The following MAMLD1 variants were observed in gnomAD, a reference collection of about 807,000 sequenced individuals.
MAMLD1 encodes the protein mastermind like domain containing 1.
A neutral mutation model predicts 45.0 loss-of-function variants in MAMLD1; 14 were observed. The observed-to-expected ratio is 0.31, with a 90% CI of 0.21 to 0.49. The LOEUF is 0.49. Among genes scored for constraint, MAMLD1 ranks in the 20% least tolerant of loss-of-function variants. The probability of loss-of-function intolerance (pLI) is 0.99; values close to 1 mark genes in which losing one functional copy is unlikely to be tolerated. For synonymous variants in MAMLD1, 254 were observed against 247.8 expected, an observed-to-expected ratio of 1.02 and a Z score of -0.24; for missense variants, 543 against 603.6, an observed-to-expected ratio of 0.90 and a Z score of 1.05.
intron 1 of MAMLD1, among the ~76,000 whole-genome samples, chrX:150,366,900 A>T (rs2031502001): frequency 9.0e-6 from 1 of 111,052 alleles, no homozygotes; most frequent in Non-Finnish European, 1.9e-5. Context: ...GCCTGGGAGG[A>T]AATCTCTCTG....
intron 1 of MAMLD1, among the ~76,000 whole-genome samples, chrX:150,412,567 T>C (rs1557402864): frequency 5.4e-5 from 6 of 111,307 alleles, no homozygotes; most frequent in East Asian, 2.8e-4. Flanking sequence ...ATAGACTCCA[T>C]GTGGACTGAT....
chrX:150,425,568 C>A (rs2034675357), intron 1 of MAMLD1, among the ~76,000 whole-genome samples: 1 of 112,110 alleles, frequency 8.9e-6, no homozygotes, highest in Admixed American at 9.4e-5. Flanking sequence ...CCAAGTCATC[C>A]AGGCTCTAGG....
intron 1 of MAMLD1, among the ~76,000 whole-genome samples, chrX:150,389,933 A>T (rs782639596): frequency 1.8e-5 from 2 of 112,300 alleles, no homozygotes; most frequent in Non-Finnish European, 3.8e-5. Flanking sequence ...TTTGATGATA[A>T]TGTAGCCACT....
intron 5 of MAMLD1, among the ~76,000 whole-genome samples, chrX:150,485,232 T>C (rs2036949380): frequency 9.0e-6 from 1 of 111,456 alleles, no homozygotes; most frequent in African/African-American, 3.3e-5. Context: ...GAGAAGAGGT[T>C]CCTGAAGGCT....
At chrX:150,452,053 T>A (rs2035682930) in intron 2 of MAMLD1, among the ~76,000 whole-genome samples, 1 of 111,913 alleles carries the variant, frequency 8.9e-6, no homozygotes, top group Admixed American at 9.5e-5. Flanking sequence ...GCTGAGTATA[T>A]GGCACATAGT....
In MAMLD1 at chrX:150,471,300, C is replaced by T. The variant is rs782062169; in HGVS notation, c.1727C>T (p.Pro576Leu). The change falls in exon 4 of 8, where the codon CCG becomes CTG. Residue 576 changes from proline (P) to leucine (L), a missense_variant. Physicochemically the swap from Pro to Leu is moderately conservative, Grantham distance 98. Transcript: ENST00000370401. ...TCCCTGCTCCACTACCTGCAGCAGC[C>T]GACACCAACGCAGGCCTCCTCAGCC... ...QPSLLHYLQQPTPTQASSATA... is the reference protein window; with the variant it reads ...QPSLLHYLQQLTPTQASSATA... 5.8e-6 allele frequency: 7 copies of T among 1,209,345 alleles called. No individual in the cohort carries two copies. The African/African-American group carries it at 7.0e-5, about 12-fold the overall frequency.
At position 150,503,657 on chromosome X, in the gene MAMLD1, C is replaced by T. The variant is rs1229663658; in HGVS notation, c.2284+140C>T. On this transcript the variant is annotated intron_variant, in intron 6 of 7. Transcript: ENST00000370401. ...CTCCGAAGGTAAAGCTCTGTCCACCCATGAGGGACTTCTAGTGCTTCCTGG... is the reference window on the plus strand; with the variant it reads ...CTCCGAAGGTAAAGCTCTGTCCACCTATGAGGGACTTCTAGTGCTTCCTGG... 8 of 487,232 alleles carry T rather than the reference C, an allele frequency of 1.6e-5. No homozygotes were observed. The South Asian group carries it at 1.7e-4, about 11-fold the overall frequency. The allele number at this position is 487,232 out of a possible 1,213,427, so 40.2% of individuals were successfully genotyped here. A position where few individuals can be genotyped will look rare whatever the true frequency, so the allele number is the denominator to read the frequency against.
At chrX:150,405,583 G>A (rs2033973406) in intron 1 of MAMLD1, among the ~76,000 whole-genome samples, 1 of 112,125 alleles carries the variant, frequency 8.9e-6, no homozygotes, top group South Asian at 3.7e-4. Context: ...ATCGCAATGG[G>A]ACAGGATATA....
chrX:150,470,395 G>A lies in MAMLD1; in HGVS notation c.822G>A (p.Pro274=), dbSNP rs781935810. 5 of 1,210,022 alleles carry A rather than the reference G, an allele frequency of 4.1e-6. No individual in the cohort carries two copies. The highest frequency in any genetic ancestry group is 1.8e-5 in the South Asian group (1 of 56,805). Residue 274 remains proline, a synonymous_variant, in exon 4 of 8, where the codon CCG becomes CCA. Coordinates refer to ENST00000370401, the MANE Select transcript of MAMLD1 (RefSeq NM_005491.5). The stretch of plus-strand genomic sequence containing the variant: ...CCACCAGTAAGCAGATAGTGTCACC[G>A]AGTTCTTCAATGGCACAGTCCAAGA... ...IPSTSKQIVS[P]SSSMAQSKSQ... is the part of the protein sequence containing the mutation.
At chrX:150,483,971 A>C (rs1260095184) in intron 5 of MAMLD1, among the ~76,000 whole-genome samples, 1 of 112,460 alleles carries the variant, frequency 8.9e-6, no homozygotes, top group African/African-American at 3.2e-5. Context: ...TATTCCTAAC[A>C]TAAGCCAATC....
At chrX:150,412,335 C>A (rs2034143339) in intron 1 of MAMLD1, among the ~76,000 whole-genome samples, 1 of 110,862 alleles carries the variant, frequency 9.0e-6, no homozygotes, top group African/African-American at 3.3e-5. Context: ...CCCCTCCAGG[C>A]TTCCCCTAAG....
At chrX:150,371,682 T>C (rs1557401048) in intron 1 of MAMLD1, among the ~76,000 whole-genome samples, 1 of 112,261 alleles carries the variant, frequency 8.9e-6, no homozygotes, top group African/African-American at 3.2e-5. Flanking sequence ...TGCATTTCTA[T>C]TTTTTCCTGC....
rs1327677571 is a variant in MAMLD1, at chrX:150,440,848, AATT to A, written c.-63-4599_-63-4597del. Among the ~76,000 whole-genome samples, 8 of 104,871 alleles carry A rather than the reference AATT, an allele frequency of 7.6e-5. No homozygotes were observed. The East Asian group carries it at 2.0e-3, about 26-fold the overall frequency. The allele number at this position is 104,871 out of a possible 115,157, so 91.1% of individuals were successfully genotyped here. A position where few individuals can be genotyped will look rare whatever the true frequency, so the allele number is the denominator to read the frequency against. On this transcript the variant is annotated intron_variant, in intron 1 of 7. Transcript: ENST00000370401. ...CTCTTTAATATTATTATTAATATTA[AATT>A]ATTATTTATTTAATAATTAATAATA...
chrX:150,465,257 C>A (rs1460918369), intron 3 of MAMLD1, among the ~76,000 whole-genome samples: 1 of 112,133 alleles, frequency 8.9e-6, no homozygotes, highest in Non-Finnish European at 1.9e-5. Context: ...GGACTGTATT[C>A]GTATAATCTC....
At chrX:150,382,943 C>T (rs1180352220) in intron 1 of MAMLD1, among the ~76,000 whole-genome samples, 1 of 20,881 alleles carries the variant, frequency 4.8e-5, no homozygotes, top group East Asian at 7.6e-4. Flanking sequence ...CTCGCTCTGT[C>T]GCCCAGGCTG....
intron 1 of MAMLD1, among the ~76,000 whole-genome samples, chrX:150,432,740 T>C (rs782534037): frequency 2.7e-5 from 3 of 111,965 alleles, no homozygotes; most frequent in South Asian, 7.5e-4. Flanking sequence ...TGCAACATTA[T>C]TTCCGGGCTC....
chrX:150,499,597 T>C (rs1296727741), intron 5 of MAMLD1, among the ~76,000 whole-genome samples: 1 of 111,617 alleles, frequency 9.0e-6, no homozygotes, highest in African/African-American at 3.3e-5. Context: ...CCTCGCCATG[T>C]GCAGAGGAGG....
In MAMLD1 at chrX:150,456,121, G is replaced by C. The variant is rs72612716; in HGVS notation, c.97-6651G>C. Among the ~76,000 whole-genome samples the C allele has an allele frequency of 7.9e-4, 88 of 110,948 alleles. No homozygotes were observed. The East Asian group carries it at 0.023, about 29-fold the overall frequency. ...CAGTCTAAGTGTGAAGAGCTGAAGTGATCTGCCTTTCCTTTAGCACCCCAG... is the reference window on the plus strand; with the variant it reads ...CAGTCTAAGTGTGAAGAGCTGAAGTCATCTGCCTTTCCTTTAGCACCCCAG... On this transcript the variant is annotated intron_variant, in intron 2 of 7. Transcript: ENST00000370401.
intron 2 of MAMLD1, among the ~76,000 whole-genome samples, chrX:150,450,422 G>A (rs2035624874): frequency 8.9e-6 from 1 of 111,860 alleles, no homozygotes; most frequent in East Asian, 2.8e-4. Context: ...CCCCAAGAGA[G>A]GGGAGCTCAT....
Sources: allele counts gnomAD v4.1 joint callset (sites outside exome capture counted in the v4.1 genomes callset), GRCh38; gene constraint gnomAD v4.1.1; transcripts MANE v1.5; gene names NCBI Gene and HGNC (gene_info 2026-07-23, HGNC 2026-07-21).